Variants in SAMD4A observed in about 807,000 individuals in gnomAD.
SAMD4A encodes the protein sterile alpha motif domain containing 4A, also known as protein Smaug homolog 1.
Under a neutral mutation model 81.3 loss-of-function variants are expected in SAMD4A, and 33 were observed. The observed-to-expected ratio is 0.41, with a 90% CI of 0.31 to 0.54. SAMD4A has a LOEUF of 0.54. Among genes scored for constraint, SAMD4A ranks in the 20% least tolerant of loss-of-function variants. SAMD4A has a pLI of 0.37. For missense variants in SAMD4A, 854 were observed against 951.1 expected, an observed-to-expected ratio of 0.90 and a Z score of 1.34; for synonymous variants, 389 against 382.1, an observed-to-expected ratio of 1.02 and a Z score of -0.21.
chr14:54,704,353 C>T (rs2036798201), intron 3 of SAMD4A, among the ~76,000 whole-genome samples: 1 of 152,230 alleles, frequency 6.6e-6, no homozygotes, highest in Admixed American at 6.5e-5. Context: ...AAACTCTAAG[C>T]TGCCTGCCCT....
intron 5 of SAMD4A, among the ~76,000 whole-genome samples, chr14:54,749,945 C>T (rs1471317520): frequency 6.6e-6 from 1 of 152,182 alleles, no homozygotes. Context: ...GCAGGCCTGG[C>T]GGACTCCCAA....
In SAMD4A at chr14:54,793,112, A is replaced by G. The variant is rs1176083174; in HGVS notation, c.*4168A>G. On this transcript the variant is annotated 3_prime_UTR_variant, in exon 13 of 13. Coordinates refer to ENST00000554335, the MANE Select transcript of SAMD4A (RefSeq NM_015589.6). The stretch of plus-strand genomic sequence containing the variant: ...ATGTAAAAGCTTTACTGATATACAG[A>G]TATACTAATGTTTGAAGATGCTGTT... 1.3e-5 allele frequency: 2 copies of G among 152,240 alleles called. No individual in the cohort carries two copies. The highest frequency in any genetic ancestry group is 4.8e-5 in the African/African-American group (2 of 41,460). 9.4% of individuals were successfully genotyped at this position (152,240 alleles called of 1,614,324 possible).
intron 2 of SAMD4A, among the ~76,000 whole-genome samples, chr14:54,650,670 C>T (rs1222938223): frequency 5.3e-5 from 8 of 152,310 alleles, no homozygotes; most frequent in South Asian, 4.1e-4. Context: ...AGTTCCATCC[C>T]GTGATAGTGC....
At chr14:54,633,634 A>G (rs547833298) in intron 2 of SAMD4A, among the ~76,000 whole-genome samples, 3 of 152,094 alleles carry the variant, frequency 2.0e-5, no homozygotes, top group South Asian at 2.1e-4. Context: ...TTGCTGACAG[A>G]TACAAAGGAT....
chr14:54,651,749 G>T (rs1056035096), intron 2 of SAMD4A, among the ~76,000 whole-genome samples: 1 of 152,158 alleles, frequency 6.6e-6, no homozygotes, highest in African/African-American at 2.4e-5. Flanking sequence ...CCAAAGTAGT[G>T]ATGTATTCAT....
chr14:54,684,612 G>GCCC (rs780497625), intron 2 of SAMD4A, among the ~76,000 whole-genome samples: 4 of 81,794 alleles, frequency 4.9e-5, no homozygotes, highest in African/African-American at 1.9e-4. Flanking sequence ...AGACACCCCC[G>GCCC]CCCCCCCCCC....
intron 9 of SAMD4A, among the ~76,000 whole-genome samples, chr14:54,770,903 A>G (rs1045110748): frequency 6.6e-6 from 1 of 152,198 alleles, no homozygotes; most frequent in Non-Finnish European, 1.5e-5. Context: ...TTAAACAATG[A>G]TAGGGAATTG....
chr14:54,679,957 A>T (rs2036090929), intron 2 of SAMD4A, among the ~76,000 whole-genome samples: 1 of 152,258 alleles, frequency 6.6e-6, no homozygotes, highest in African/African-American at 2.4e-5. Flanking sequence ...AGTGACCTCG[A>T]GGATTTGGAA....
intron 2 of SAMD4A, among the ~76,000 whole-genome samples, chr14:54,678,649 C>G (rs983171334): frequency 6.7e-6 from 1 of 148,394 alleles, no homozygotes. Flanking sequence ...CCCGGGTTCA[C>G]GCCATTCTCC....
Position 54,760,411 on chromosome 14 carries a change from T to G in SAMD4A, c.1427T>G (p.Leu476Arg). 6.8e-7 allele frequency: 1 copy of G among 1,463,870 alleles called. No individual in the cohort carries two copies. The highest frequency in any genetic ancestry group is 1.5e-5 in the African/African-American group (1 of 67,880). 90.7% of individuals were successfully genotyped at this position (1,463,870 alleles called of 1,614,324 possible). Reference sequence around the variant, plus strand: ...AGCGGGGGGCTCCAGCCGCACCAGCTGAGCAGCTGCGATGGGGAGCTGGCC... The same window carrying G: ...AGCGGGGGGCTCCAGCCGCACCAGCGGAGCAGCTGCGATGGGGAGCTGGCC... ...GASGGLQPHQLSSCDGELAVA... is the reference protein window; with the variant it reads ...GASGGLQPHQRSSCDGELAVA... The change falls in exon 7 of 13, where the codon CTG becomes CGG. Residue 476 changes from leucine (L) to arginine (R), a missense_variant. This residue lies in a region of SAMD4A where 428 missense variants were observed against 471.2 expected (regional missense o/e 0.91). Transcript: ENST00000554335.
At chr14:54,587,608 T>C (rs2033659047) in intron 2 of SAMD4A, among the ~76,000 whole-genome samples, 1 of 152,168 alleles carries the variant, frequency 6.6e-6, no homozygotes, top group Non-Finnish European at 1.5e-5. Flanking sequence ...GGATGCTGGA[T>C]TTTGTCAAAT....
rs548757208 is a variant in SAMD4A at position 54,736,903 on chromosome 14, C to A, written c.716-121C>A. 75 of 1,156,098 alleles carry A rather than the reference C, an allele frequency of 6.5e-5. No individual in the cohort carries two copies. The African/African-American group carries it at 1.0e-3, about 16-fold the overall frequency. 71.6% of individuals were successfully genotyped at this position (1,156,098 alleles called of 1,614,324 possible). On this transcript the variant is annotated intron_variant, in intron 3 of 12. Coordinates refer to ENST00000554335, the MANE Select transcript of SAMD4A (RefSeq NM_015589.6). ...CAGGCCTGTATTCAACCTGCTGTGA[C>A]CATGGATGGAGTTGTAAGACAGTTA... is the stretch of plus-strand genomic sequence containing the variant.
intron 3 of SAMD4A, among the ~76,000 whole-genome samples, chr14:54,733,387 C>G (rs753144609): frequency 1.3e-5 from 2 of 151,988 alleles, no homozygotes; most frequent in Admixed American, 6.6e-5. Flanking sequence ...AAAATACAAG[C>G]AATTTTGGAT....
At position 54,581,583 on chromosome 14, in the gene SAMD4A, G is replaced by A. The variant is rs138770691; in HGVS notation, c.196+13471G>A. ...CTCTCTTCAAGTATGAAGGACTCAG[G>A]TGTCCATGCTAAAGAATTTCTTTTG... On this transcript the variant is annotated intron_variant, in intron 2 of 12. Coordinates refer to ENST00000554335, the MANE Select transcript of SAMD4A (RefSeq NM_015589.6). 1.6e-3 allele frequency among the ~76,000 whole-genome samples: 244 copies of A among 152,312 alleles called. 1 individual carries two copies. Among genetic ancestry groups the A allele is most frequent in the African/African-American group, 5.6e-3 (232 of 41,562 alleles).
chr14:54,619,022 A>G (rs1159859668), intron 2 of SAMD4A, among the ~76,000 whole-genome samples: 1 of 152,208 alleles, frequency 6.6e-6, no homozygotes, highest in East Asian at 1.9e-4. Flanking sequence ...AATCAAATAT[A>G]TGTCCCTTTA....
chr14:54,630,908 ATGTGTGTGTGTGTGTGTGTGTGTG>A (rs5808786), intron 2 of SAMD4A, among the ~76,000 whole-genome samples: 2 of 144,292 alleles, frequency 1.4e-5, no homozygotes, highest in African/African-American at 2.6e-5. Flanking sequence ...TGTATTTTAT[ATGTGTGTGTGTGTGTGTGTGTGTG>A]TGTGTGTGTG....
chr14:54,614,360 A>G lies in SAMD4A; in HGVS notation c.196+46248A>G, dbSNP rs192556313. 8.2e-4 allele frequency among the ~76,000 whole-genome samples: 125 copies of G among 152,352 alleles called. No individual in the cohort carries two copies. In the East Asian group the frequency reaches 0.013, roughly 16 times the overall value. ...ATCTCAGTTATAATCCACATAAACAAAACTCTTTGGTGTTATCAGTAATTT... is the reference window on the plus strand; with the variant it reads ...ATCTCAGTTATAATCCACATAAACAGAACTCTTTGGTGTTATCAGTAATTT... On this transcript the variant is annotated intron_variant, in intron 2 of 12. Transcript: ENST00000554335.
At chr14:54,739,104 C>T (rs1431781358) in intron 4 of SAMD4A, among the ~76,000 whole-genome samples, 1 of 122,374 alleles carries the variant, frequency 8.2e-6, no homozygotes, top group Non-Finnish European at 1.6e-5. Flanking sequence ...TCAACATTCT[C>T]CCAAAGTAGG....
intron 2 of SAMD4A, among the ~76,000 whole-genome samples, chr14:54,644,128 G>A (rs2035234327): frequency 6.6e-6 from 1 of 152,120 alleles, no homozygotes; most frequent in African/African-American, 2.4e-5. Flanking sequence ...TCTACCTTTT[G>A]TTTAGGAAAC....
Sources: gnomAD v4.1 joint callset for allele counts (sites outside exome capture counted in the v4.1 genomes callset) on GRCh38, gnomAD v4.1.1 for gene constraint, gnomAD v4.1.1 regional missense constraint, MANE v1.5 for transcripts, NCBI Gene and HGNC (gene_info 2026-07-23, HGNC 2026-07-21) for gene names.